The following SRPK2 variants were observed in gnomAD, a reference collection of about 807,000 sequenced individuals.
SRPK2 encodes SFRS protein kinase 2.
A neutral mutation model predicts 90.8 loss-of-function variants in SRPK2; 21 were observed. That is an observed-to-expected ratio of 0.23 (90% CI 0.16 to 0.33). The LOEUF (loss-of-function observed/expected upper bound fraction) is 0.33. Ranked by LOEUF, SRPK2 falls within the 10% of genes least tolerant of loss-of-function variation. SRPK2 has a pLI of 1.00. For missense variants in SRPK2, 620 were observed against 869.0 expected, an observed-to-expected ratio of 0.71 and a Z score of 3.60; for synonymous variants, 288 against 311.1, an observed-to-expected ratio of 0.93 and a Z score of 0.78.
chr7:105,170,782 C>CGGGA (rs1186265835), intron 3 of SRPK2, among the ~76,000 whole-genome samples: 1,925 of 29,340 alleles, frequency 0.066, 153 homozygotes, highest in Non-Finnish European at 0.083. Flanking sequence ...GAAGGAAGGA[C>CGGGA]GGGAGGGAGG....
intron 2 of SRPK2, among the ~76,000 whole-genome samples, chr7:105,252,903 T>C (rs918707240): frequency 6.6e-6 from 1 of 151,798 alleles, no homozygotes; most frequent in African/African-American, 2.4e-5. Flanking sequence ...ACCCCACGTC[T>C]GGCTAATTCT....
intron 2 of SRPK2, among the ~76,000 whole-genome samples, chr7:105,278,818 G>C (rs1214243720): frequency 3.3e-5 from 5 of 151,350 alleles, no homozygotes; most frequent in African/African-American, 1.2e-4. Flanking sequence ...GAAAGAAAAA[G>C]AAGAAAAAAG....
At chr7:105,349,355 T>C (rs1317255282) in intron 2 of SRPK2, among the ~76,000 whole-genome samples, 2 of 151,634 alleles carry the variant, frequency 1.3e-5, no homozygotes, top group Non-Finnish European at 1.5e-5. Context: ...AAGCCCCATC[T>C]CTACTAAAAA....
At chr7:105,276,254 T>A (rs920504027) in intron 2 of SRPK2, among the ~76,000 whole-genome samples, 3 of 151,756 alleles carry the variant, frequency 2.0e-5, no homozygotes, top group African/African-American at 7.3e-5. Context: ...CTAATTTTTT[T>A]TTTTGGTAGA....
intron 3 of SRPK2, among the ~76,000 whole-genome samples, chr7:105,196,745 T>A (rs1448706256): frequency 3.3e-5 from 5 of 152,174 alleles, no homozygotes; most frequent in Admixed American, 3.3e-4. Context: ...TTCTTTGCTT[T>A]TTTTTCCTTA....
chr7:105,220,864 T>C (rs1043360231), intron 2 of SRPK2, among the ~76,000 whole-genome samples: 2 of 152,238 alleles, frequency 1.3e-5, no homozygotes, highest in Non-Finnish European at 1.5e-5. Context: ...TTTTAAAGGT[T>C]TCCCTTTACA....
chr7:105,355,342 A>AC (rs1478479403), intron 2 of SRPK2, among the ~76,000 whole-genome samples: 2 of 147,430 alleles, frequency 1.4e-5, no homozygotes, highest in African/African-American at 5.4e-5. Context: ...CGAAAAAAAA[A>AC]AAATTTTTTT....
chr7:105,381,423 A>G (rs1484876776), intron 2 of SRPK2, among the ~76,000 whole-genome samples: 3 of 152,056 alleles, frequency 2.0e-5, no homozygotes. Context: ...AGCCAAGACC[A>G]GGCCACTGCA....
chr7:105,130,528 G>C (rs1801849905), intron 13 of SRPK2, among the ~76,000 whole-genome samples: 1 of 151,938 alleles, frequency 6.6e-6, no homozygotes, highest in African/African-American at 2.4e-5. Context: ...TCAGCTTGGG[G>C]AACAGAGCAA....
chr7:105,152,556 C>A (rs1562995276), intron 7 of SRPK2, among the ~76,000 whole-genome samples: 1 of 152,126 alleles, frequency 6.6e-6, no homozygotes, highest in Non-Finnish European at 1.5e-5. Context: ...GACGAGAACT[C>A]CTACAATTAT....
chr7:105,398,618 CCTTTTAAAAGCA>C (rs1463688868), intron 1 of SRPK2, among the ~76,000 whole-genome samples: 1 of 152,136 alleles, frequency 6.6e-6, no homozygotes. Flanking sequence ...GCCCAAGCCT[CCTTTTAAAAGCA>C]CCTCCAAGGC....
chr7:105,290,335 TA>T (rs1230285122), intron 2 of SRPK2, among the ~76,000 whole-genome samples: 2 of 147,850 alleles, frequency 1.4e-5, no homozygotes, highest in Non-Finnish European at 3.0e-5. Context: ...ACAAAAAATA[TA>T]TATAAAAAAT....
chr7:105,385,198 T>TTTTTG (rs756321925), intron 2 of SRPK2, among the ~76,000 whole-genome samples: 1 of 79,484 alleles, frequency 1.3e-5, no homozygotes, highest in Non-Finnish European at 2.6e-5. Flanking sequence ...TTTTTTTTTT[T>TTTTTG]GAGATGGAGT....
rs78432011 is a variant in SRPK2 at position 105,198,546 on chromosome 7, G to A, written c.229+5082C>T. Among the ~76,000 whole-genome samples, 820 of 152,252 alleles carry A rather than the reference G, an allele frequency of 5.4e-3. 8 individuals are homozygous for A. The highest frequency in any genetic ancestry group is 0.018 in the African/African-American group (762 of 41,526). On this transcript the variant is annotated intron_variant, in intron 3 of 15. Transcript: ENST00000393651. ...GTAAAAAAGATAGGCAGTGCTGACA[G>A]CTCTCTCTCCAGAGGTTAAGGAAAC...
At chr7:105,282,306 T>A (rs1807451349) in intron 2 of SRPK2, among the ~76,000 whole-genome samples, 1 of 152,142 alleles carries the variant, frequency 6.6e-6, no homozygotes, top group African/African-American at 2.4e-5. Flanking sequence ...TCACACCATA[T>A]ACAAAAATCA....
At chr7:105,210,251 A>G (rs1796689265) in intron 2 of SRPK2, among the ~76,000 whole-genome samples, 1 of 152,232 alleles carries the variant, frequency 6.6e-6, no homozygotes, top group Admixed American at 6.5e-5. Context: ...TTTTTAATCA[A>G]ACATAAAGAA....
chr7:105,237,730 C>T (rs1369167018), intron 2 of SRPK2, among the ~76,000 whole-genome samples: 1 of 152,212 alleles, frequency 6.6e-6, no homozygotes, highest in Non-Finnish European at 1.5e-5. Flanking sequence ...TACAACCAGA[C>T]ATGAGACATC....
At chr7:105,328,286 G>A (rs1274778274) in intron 2 of SRPK2, among the ~76,000 whole-genome samples, 5 of 152,118 alleles carry the variant, frequency 3.3e-5, no homozygotes, top group African/African-American at 1.2e-4. Flanking sequence ...TAAAGGCCGG[G>A]GGCAGTGGCT....
intron 2 of SRPK2, among the ~76,000 whole-genome samples, chr7:105,381,511 C>T (rs1423877372): frequency 6.6e-6 from 1 of 152,092 alleles, no homozygotes; most frequent in Non-Finnish European, 1.5e-5. Flanking sequence ...AAACTAAGCA[C>T]TACTGTACCT....
Sources: gnomAD v4.1 joint callset for allele counts (sites outside exome capture counted in the v4.1 genomes callset) on GRCh38, gnomAD v4.1.1 for gene constraint, MANE v1.5 for transcripts, NCBI Gene and HGNC (gene_info 2026-07-23, HGNC 2026-07-21) for gene names.